Variants in CFAP144 observed in about 807,000 individuals in gnomAD.
The protein encoded by CFAP144 is cilia- and flagella-associated protein 144.
chr1:43,154,164 TTC>T, the CFAP144 span, among the ~76,000 whole-genome samples: 1 of 142,194 alleles, frequency 7.0e-6, no homozygotes, highest in Admixed American at 7.2e-5. Flanking sequence ...TCTTTTTATA[TTC>T]TTTTTATTTA....
the CFAP144 span, chr1:43,145,114 T>C: frequency 3.1e-6 from 2 of 645,722 alleles, no homozygotes; most frequent in African/African-American, 1.8e-5. Context: ...AGAGATTTCC[T>C]TTTTTTTGAC....
the CFAP144 span, among the ~76,000 whole-genome samples, chr1:43,144,439 C>T: frequency 6.6e-6 from 1 of 152,194 alleles, no homozygotes; most frequent in African/African-American, 2.4e-5. Context: ...GGACAAGTAA[C>T]TAGAGCTCCC....
the CFAP144 span, among the ~76,000 whole-genome samples, chr1:43,148,852 C>A: frequency 1.3e-5 from 2 of 152,208 alleles, no homozygotes; most frequent in Non-Finnish European, 2.9e-5. Context: ...AAAAAAGGCA[C>A]AAGTCCTGTT....
chr1:43,153,151 G>A, the CFAP144 span, among the ~76,000 whole-genome samples: 3 of 152,278 alleles, frequency 2.0e-5, no homozygotes, highest in East Asian at 5.8e-4. Context: ...ATGAAACGAG[G>A]TGATATTTGT....
At chr1:43,145,533 G>A in the CFAP144 span, among the ~76,000 whole-genome samples, 1 of 152,128 alleles carries the variant, frequency 6.6e-6, no homozygotes, top group Admixed American at 6.5e-5. Flanking sequence ...TCTCATCAAA[G>A]CTCTGAGGGT....
chr1:43,148,037 G>T, the CFAP144 span: 1 of 1,613,924 alleles, frequency 6.2e-7, no homozygotes, highest in Non-Finnish European at 8.5e-7. Context: ...AAGGAGCTAC[G>T]AACCCAGAAA....
chr1:43,153,024 G>A, the CFAP144 span: 1 of 1,475,098 alleles, frequency 6.8e-7, no homozygotes, highest in Non-Finnish European at 9.2e-7. Flanking sequence ...GACATGCCTG[G>A]GCTTGAACCT....
the CFAP144 span, chr1:43,156,136 C>T: frequency 7.7e-7 from 1 of 1,297,346 alleles, no homozygotes; most frequent in Middle Eastern, 1.8e-4. Context: ...AAGCCAGGCC[C>T]ATTGACTCCA....
the CFAP144 span, among the ~76,000 whole-genome samples, chr1:43,147,035 G>C: frequency 4.6e-5 from 7 of 152,060 alleles, no homozygotes; most frequent in Admixed American, 2.6e-4. Flanking sequence ...GGTAGAGATG[G>C]GGTTTCACCA....
the CFAP144 span, among the ~76,000 whole-genome samples, chr1:43,150,312 G>T: frequency 6.6e-6 from 1 of 152,176 alleles, no homozygotes. Context: ...GTTACCATGT[G>T]CCCTCCTGGG....
At chr1:43,149,316 CT>C in the CFAP144 span, among the ~76,000 whole-genome samples, 2 of 152,248 alleles carry the variant, frequency 1.3e-5, no homozygotes, top group African/African-American at 4.8e-5. Flanking sequence ...GGTGCCTACT[CT>C]GCACCAGCCA....
At chr1:43,150,711 G>A in the CFAP144 span, 3 of 1,512,938 alleles carry the variant, frequency 2.0e-6, no homozygotes, top group Non-Finnish European at 1.8e-6. Context: ...GAGAGGGCAG[G>A]GAACTCATGT....
At chr1:43,151,878 C>T in the CFAP144 span, among the ~76,000 whole-genome samples, 105 of 152,096 alleles carry the variant, frequency 6.9e-4, no homozygotes, top group Non-Finnish European at 1.3e-3. Flanking sequence ...AGTGCACTCT[C>T]CTGACTAGGG....
the CFAP144 span, chr1:43,148,206 C>T: frequency 3.0e-6 from 3 of 1,007,894 alleles, 1 homozygote; most frequent in Admixed American, 5.7e-5. Flanking sequence ...GCACCCGCCC[C>T]CTTTCCTAGA....
chr1:43,150,857 C>T, the CFAP144 span: 1 of 1,551,776 alleles, frequency 6.4e-7, no homozygotes, highest in Non-Finnish European at 8.8e-7. Context: ...TGAGATAGAG[C>T]CCAGAGAGGC....
the CFAP144 span, among the ~76,000 whole-genome samples, chr1:43,153,479 G>A: frequency 2.6e-5 from 4 of 152,012 alleles, no homozygotes; most frequent in Non-Finnish European, 2.9e-5. Context: ...GCATGGTGTC[G>A]CACGCTTATA....
the CFAP144 span, chr1:43,148,098 C>T: frequency 9.9e-5 from 147 of 1,491,486 alleles, no homozygotes; most frequent in Non-Finnish European, 1.2e-4. Context: ...AGAGGCACGG[C>T]GGGGTGGGGG....
At chr1:43,148,769 C>T in the CFAP144 span, among the ~76,000 whole-genome samples, 1 of 152,166 alleles carries the variant, frequency 6.6e-6, no homozygotes, top group South Asian at 2.1e-4. Flanking sequence ...CATTCACTCT[C>T]ATCATCTAAT....
At chr1:43,152,888 C>T in the CFAP144 span, 1 of 1,613,620 alleles carries the variant, frequency 6.2e-7, no homozygotes, top group South Asian at 1.1e-5. Context: ...TACCCAGAGA[C>T]ACAGACTGAA....
Sources: allele counts gnomAD v4.1 joint callset (sites outside exome capture counted in the v4.1 genomes callset), GRCh38; gene constraint gnomAD v4.1.1; transcripts MANE v1.5; gene names NCBI Gene and HGNC (gene_info 2026-07-23, HGNC 2026-07-21).